Variants in SEMA5A observed in about 807,000 individuals in gnomAD.
The protein encoded by SEMA5A is semaphorin 5A, also known as semaphorin-5A.
A neutral mutation model predicts 135.5 loss-of-function variants in SEMA5A; 55 were observed. The observed-to-expected ratio is 0.41, with a 90% CI of 0.33 to 0.51. SEMA5A has a LOEUF of 0.51. SEMA5A is among the 20% of genes least tolerant of loss of function. The pLI, the probability that SEMA5A is intolerant of heterozygous loss-of-function variation, is 0.37. For missense variants in SEMA5A, 1,290 were observed against 1,419.9 expected (o/e 0.91, Z 1.47); for synonymous variants, 580 against 546.5 (o/e 1.06, Z -0.85).
At chr5:9,323,896 A>G (rs1752749734) in intron 4 of SEMA5A, among the ~76,000 whole-genome samples, 2 of 151,608 alleles carry the variant, frequency 1.3e-5, no homozygotes, top group African/African-American at 4.8e-5. Flanking sequence ...TCCTGACCTC[A>G]AGTGATCCTC....
At chr5:9,414,866 G>C (rs1757230636) in intron 2 of SEMA5A, among the ~76,000 whole-genome samples, 1 of 152,158 alleles carries the variant, frequency 6.6e-6, no homozygotes, top group Non-Finnish European at 1.5e-5. Context: ...TTACCTTGTA[G>C]GGTTCACAAG....
chr5:9,213,991 T>C (rs1489009966), intron 8 of SEMA5A, among the ~76,000 whole-genome samples: 2 of 151,788 alleles, frequency 1.3e-5, no homozygotes, highest in African/African-American at 4.9e-5. Flanking sequence ...AAAGTGCAAC[T>C]TGAACAGTGT....
At chr5:9,049,015 C>T (rs1360406486) in intron 21 of SEMA5A, among the ~76,000 whole-genome samples, 1 of 152,062 alleles carries the variant, frequency 6.6e-6, no homozygotes, top group African/African-American at 2.4e-5. Flanking sequence ...GGTGCCCATC[C>T]TAAGCTCAAT....
intron 3 of SEMA5A, among the ~76,000 whole-genome samples, chr5:9,352,934 A>C (rs978312248): frequency 4.6e-5 from 7 of 151,986 alleles, no homozygotes; most frequent in African/African-American, 1.7e-4. Context: ...AAACTATACC[A>C]ACCCCTGCTC....
At chr5:9,106,161 T>C (rs1191352415) in intron 16 of SEMA5A, among the ~76,000 whole-genome samples, 1 of 152,154 alleles carries the variant, frequency 6.6e-6, no homozygotes. Context: ...CTAAGTTTGG[T>C]GGTACAAACA....
chr5:9,277,757 T>G (rs941891650), intron 5 of SEMA5A, among the ~76,000 whole-genome samples: 1 of 151,530 alleles, frequency 6.6e-6, no homozygotes, highest in Non-Finnish European at 1.5e-5. Context: ...TAAGTGGGAG[T>G]TGAACAATGA....
intron 11 of SEMA5A, among the ~76,000 whole-genome samples, chr5:9,166,742 T>G (rs1743630038): frequency 6.6e-6 from 1 of 152,226 alleles, no homozygotes; most frequent in African/African-American, 2.4e-5. Flanking sequence ...AAAAACCATA[T>G]TACTTTTAAA....
intron 5 of SEMA5A, among the ~76,000 whole-genome samples, chr5:9,311,151 G>GT (rs1041088458): frequency 6.6e-6 from 1 of 151,424 alleles, no homozygotes; most frequent in African/African-American, 2.4e-5. Flanking sequence ...CTCAACGGGG[G>GT]GGTCCTGCTC....
chr5:9,522,740 T>C (rs1292175839), intron 1 of SEMA5A: 2 of 152,172 alleles, frequency 1.3e-5, no homozygotes, highest in African/African-American at 4.8e-5. Context: ...TTTAAAGGAA[T>C]TTGAAATTTA....
chr5:9,276,376 C>T (rs1178681303), intron 5 of SEMA5A, among the ~76,000 whole-genome samples: 2 of 152,138 alleles, frequency 1.3e-5, no homozygotes, highest in African/African-American at 2.4e-5. Flanking sequence ...TGAAAATGGC[C>T]ATACTGCCCA....
intron 1 of SEMA5A, among the ~76,000 whole-genome samples, chr5:9,504,456 C>A (rs1032281404): frequency 5.9e-5 from 9 of 152,130 alleles, no homozygotes; most frequent in African/African-American, 2.2e-4. Flanking sequence ...GTAAGCAGGG[C>A]AAAGTCCCCT....
intron 2 of SEMA5A, among the ~76,000 whole-genome samples, chr5:9,428,088 G>GTATATATA (rs10536071): frequency 8.2e-5 from 12 of 145,672 alleles, no homozygotes; most frequent in Admixed American, 3.5e-4. Context: ...ATATGTGTGT[G>GTATATATA]TATATATATA....
At chr5:9,414,027 T>A (rs1248929760) in intron 2 of SEMA5A, among the ~76,000 whole-genome samples, 1 of 152,150 alleles carries the variant, frequency 6.6e-6, no homozygotes, top group African/African-American at 2.4e-5. Context: ...TCTGGGAGGA[T>A]CTGATTCATA....
chr5:9,470,703 T>C (rs953373497), intron 1 of SEMA5A, among the ~76,000 whole-genome samples: 1 of 152,186 alleles, frequency 6.6e-6, no homozygotes, highest in Non-Finnish European at 1.5e-5. Context: ...TGTTCTCTTA[T>C]TTCCCTAACA....
chr5:9,197,931 T>A (rs1426799021), intron 9 of SEMA5A, among the ~76,000 whole-genome samples: 1 of 152,192 alleles, frequency 6.6e-6, no homozygotes, highest in Non-Finnish European at 1.5e-5. Flanking sequence ...AAATTTGACA[T>A]AGCACTGACA....
chr5:9,410,295 T>A (rs1316057594), intron 2 of SEMA5A, among the ~76,000 whole-genome samples: 1 of 152,222 alleles, frequency 6.6e-6, no homozygotes. Flanking sequence ...AAATACAGTA[T>A]GTATGACTAA....
chr5:9,062,804 A>G lies in SEMA5A; in HGVS notation c.2518+83T>C, dbSNP rs973741773. 5.9e-6 allele frequency: 8 copies of G among 1,366,760 alleles called. No individual in the cohort carries two copies. In the African/African-American group the frequency reaches 8.6e-5, roughly 15 times the overall value. The allele number at this position is 1,366,760 out of a possible 1,614,324, so 84.7% of individuals were successfully genotyped here. On this transcript the variant is annotated intron_variant, in intron 18 of 22. Coordinates refer to ENST00000382496, the MANE Select transcript of SEMA5A (RefSeq NM_003966.3). ...ACAGATCTCAAACACGAAGCCAGGG[A>G]GCTGCGTGAGGCCTGGTAAATTAGA... is the stretch of plus-strand genomic sequence containing the variant.
intron 16 of SEMA5A, among the ~76,000 whole-genome samples, chr5:9,093,201 C>T (rs1739129718): frequency 2.0e-5 from 3 of 152,164 alleles, no homozygotes; most frequent in Non-Finnish European, 4.4e-5. Flanking sequence ...TGGCTACATA[C>T]ATATATCTGA....
chr5:9,284,010 T>C (rs564021212), intron 5 of SEMA5A, among the ~76,000 whole-genome samples: 2 of 150,890 alleles, frequency 1.3e-5, no homozygotes, highest in South Asian at 4.2e-4. Context: ...AGATAACAGA[T>C]AATAGGCAGA....
Sources: gnomAD v4.1 joint callset for allele counts (sites outside exome capture counted in the v4.1 genomes callset) on GRCh38, gnomAD v4.1.1 for gene constraint, MANE v1.5 for transcripts, NCBI Gene and HGNC (gene_info 2026-07-23, HGNC 2026-07-21) for gene names.